RGS20: variants seen among roughly 807,000 people sequenced by gnomAD.
RGS20 encodes the protein regulator of G protein signaling 20, also known as gz-selective GTPase-activating protein.
RGS20 carries 30 observed loss-of-function variants against 33.6 expected under a neutral mutation model. The observed-to-expected ratio is 0.89, with a 90% CI of 0.67 to 1.21. The LOEUF is 1.21. Ranked by LOEUF, RGS20 falls within the 50% of genes most tolerant of loss-of-function variation. RGS20 has a pLI of 0.00. For missense variants in RGS20, 472 were observed against 502.4 expected (o/e 0.94, Z 0.58); for synonymous variants, 208 against 197.9 (o/e 1.05, Z -0.43).
intron 4 of RGS20, among the ~76,000 whole-genome samples, chr8:53,948,430 GAT>G (rs1489723861): frequency 1.1e-4 from 15 of 132,448 alleles, no homozygotes; most frequent in African/African-American, 3.4e-4. Context: ...CTATATATAA[GAT>G]ACAGTATATA....
chr8:53,947,944 G>A (rs1408610038), intron 4 of RGS20, among the ~76,000 whole-genome samples: 3 of 131,708 alleles, frequency 2.3e-5, no homozygotes, highest in Admixed American at 8.1e-5. Flanking sequence ...ATATATATAA[G>A]ATATAGTATA....
At chr8:53,881,045 C>G (rs1198638851) in intron 2 of RGS20, 2 of 1,563,518 alleles carry the variant, frequency 1.3e-6, no homozygotes, top group Non-Finnish European at 1.7e-6. Flanking sequence ...GCGAGCCGGC[C>G]GGGGCTTCCT....
intron 2 of RGS20, among the ~76,000 whole-genome samples, chr8:53,904,957 A>C (rs1813125798): frequency 1.3e-5 from 2 of 152,242 alleles, no homozygotes; most frequent in Non-Finnish European, 2.9e-5. Context: ...AGAGAAGAGA[A>C]AGACACTCTT....
chr8:53,906,053 C>T (rs1289580287), intron 2 of RGS20, among the ~76,000 whole-genome samples: 1 of 152,116 alleles, frequency 6.6e-6, no homozygotes, highest in Non-Finnish European at 1.5e-5. Flanking sequence ...GTCACAGGGT[C>T]CCCCTCCTCC....
chr8:53,956,456 C>T (rs1310335528), intron 5 of RGS20, among the ~76,000 whole-genome samples: 1 of 152,038 alleles, frequency 6.6e-6, no homozygotes, highest in Non-Finnish European at 1.5e-5. Context: ...TTGGAGAAGA[C>T]CAGGGGCAGA....
intron 2 of RGS20, among the ~76,000 whole-genome samples, chr8:53,908,596 T>C (rs760460193): frequency 6.6e-6 from 1 of 151,224 alleles, no homozygotes; most frequent in Non-Finnish European, 1.5e-5. Flanking sequence ...GCTGAGATCA[T>C]GCCATTGCAC....
chr8:53,945,116 A>G (rs1175066445), intron 3 of RGS20, among the ~76,000 whole-genome samples: 1 of 152,222 alleles, frequency 6.6e-6, no homozygotes, highest in Non-Finnish European at 1.5e-5. Flanking sequence ...TCTACTTGAG[A>G]GAAACACAAA....
At chr8:53,924,891 C>CA (rs1355528738) in intron 2 of RGS20, among the ~76,000 whole-genome samples, 7 of 152,216 alleles carry the variant, frequency 4.6e-5, no homozygotes, top group African/African-American at 1.7e-4. Flanking sequence ...CATCTAGCCT[C>CA]AGCAGAGGTC....
At chr8:53,948,510 A>G (rs1489754103) in intron 4 of RGS20, among the ~76,000 whole-genome samples, 1 of 116,914 alleles carries the variant, frequency 8.6e-6, no homozygotes, top group Non-Finnish European at 1.7e-5. Context: ...ATATATTTAC[A>G]TATGCTATAT....
chr8:53,943,357 G>C (rs1039027965), intron 3 of RGS20, among the ~76,000 whole-genome samples: 1 of 152,052 alleles, frequency 6.6e-6, no homozygotes, highest in African/African-American at 2.4e-5. Flanking sequence ...ACATTTTGCT[G>C]TAAGGCCTTC....
At chr8:53,931,924 T>C (rs1813979674) in intron 2 of RGS20, among the ~76,000 whole-genome samples, 1 of 152,098 alleles carries the variant, frequency 6.6e-6, no homozygotes, top group Admixed American at 6.6e-5. Flanking sequence ...AAAGATTTCC[T>C]CTGATGCCTA....
chr8:53,942,726 T>G (rs985413436), intron 3 of RGS20, among the ~76,000 whole-genome samples: 1 of 151,768 alleles, frequency 6.6e-6, no homozygotes, highest in African/African-American at 2.4e-5. Context: ...TGGTGGCTTA[T>G]GCCTGTAATC....
chr8:53,955,578 G>C lies in RGS20; in HGVS notation c.978+1268G>C, dbSNP rs115902561. ...GGCACAGTGGCCAACTTCTGTAATC[G>C]CAGCATTTTGGCAGGCCGAGGCAGG... is the stretch of plus-strand genomic sequence containing the variant. On this transcript the variant is annotated intron_variant, in intron 5 of 5. Coordinates refer to ENST00000297313, the MANE Select transcript of RGS20 (RefSeq NM_170587.4). 3.4e-3 allele frequency among the ~76,000 whole-genome samples: 524 copies of C among 152,160 alleles called. 2 individuals are homozygous for C. The highest frequency in any genetic ancestry group is 0.012 in the African/African-American group (499 of 41,526).
rs796567644 is a variant in RGS20 at position 53,902,886 on chromosome 8, C to T, written c.510+23284C>T. On this transcript the variant is annotated intron_variant, in intron 2 of 5. Transcript: ENST00000297313. ...GATTACAGGCCCTCGCCACCATGCT[C>T]GGTTAATTTCTGTATTTTTAGTAGA... 4.6e-5 allele frequency among the ~76,000 whole-genome samples: 7 copies of T among 152,228 alleles called. 1 individual carries two copies. The highest frequency in any genetic ancestry group is 1.2e-4 in the African/African-American group (5 of 41,548).
At chr8:53,880,898 G>A (rs1812347718) in intron 2 of RGS20, 2 of 1,505,500 alleles carry the variant, frequency 1.3e-6, no homozygotes, top group Non-Finnish European at 1.8e-6. Flanking sequence ...GAGGCCGGGA[G>A]AAGAGGGCTA....
At chr8:53,876,001 T>G (rs1812200931) in intron 1 of RGS20, 1 of 152,238 alleles carries the variant, frequency 6.6e-6, no homozygotes, top group Non-Finnish European at 1.5e-5. Flanking sequence ...TAGTTTTCAC[T>G]GTCAGCTAGA....
intron 2 of RGS20, among the ~76,000 whole-genome samples, chr8:53,933,467 A>C (rs1363754150): frequency 6.6e-6 from 1 of 152,206 alleles, no homozygotes; most frequent in African/African-American, 2.4e-5. Context: ...AAGCATACAC[A>C]AGTATCAATA....
chr8:53,864,056 A>G (rs1034811781), intron 1 of RGS20, among the ~76,000 whole-genome samples: 9 of 152,112 alleles, frequency 5.9e-5, no homozygotes, highest in Admixed American at 2.6e-4. Flanking sequence ...TTTCACATTC[A>G]ATTTGAATGG....
intron 1 of RGS20, among the ~76,000 whole-genome samples, chr8:53,855,708 A>G (rs936606538): frequency 3.0e-4 from 45 of 152,152 alleles, no homozygotes; most frequent in African/African-American, 9.4e-4. Flanking sequence ...ACACGGGACC[A>G]CTCTGTACAT....
Sources: gnomAD v4.1 joint callset for allele counts (sites outside exome capture counted in the v4.1 genomes callset) on GRCh38, gnomAD v4.1.1 for gene constraint, MANE v1.5 for transcripts, NCBI Gene and HGNC (gene_info 2026-07-23, HGNC 2026-07-21) for gene names.